Variants in AFG2A observed in about 807,000 individuals in gnomAD.
AFG2A encodes AAA ATPase AFG2A.
chr4:123,235,977 GA>G, the AFG2A span, among the ~76,000 whole-genome samples: 1 of 152,110 alleles, frequency 6.6e-6, no homozygotes, highest in Non-Finnish European at 1.5e-5. Context: ...ACCAGTATTT[GA>G]AAATAACTCA....
chr4:122,935,570 T>G, the AFG2A span: 2 of 885,296 alleles, frequency 2.3e-6, no homozygotes, highest in Admixed American at 6.3e-5. Context: ...TTAGTACATC[T>G]TTCTGGAGGG....
the AFG2A span, among the ~76,000 whole-genome samples, chr4:123,094,084 A>G: frequency 6.6e-6 from 1 of 152,132 alleles, no homozygotes; most frequent in African/African-American, 2.4e-5. Context: ...TGATTCTCTA[A>G]TGTTTGACAG....
At chr4:122,946,500 T>A in the AFG2A span, among the ~76,000 whole-genome samples, 5 of 152,232 alleles carry the variant, frequency 3.3e-5, no homozygotes, top group African/African-American at 1.2e-4. Context: ...TATAATTGAT[T>A]AGGTTTGAGC....
At chr4:123,225,775 G>A in the AFG2A span, among the ~76,000 whole-genome samples, 2 of 152,154 alleles carry the variant, frequency 1.3e-5, no homozygotes, top group East Asian at 3.8e-4. Context: ...GATGGGGATG[G>A]CATTGAATCT....
the AFG2A span, among the ~76,000 whole-genome samples, chr4:123,096,775 G>A: frequency 6.6e-6 from 1 of 152,038 alleles, no homozygotes; most frequent in Non-Finnish European, 1.5e-5. Flanking sequence ...GAGAAAAATT[G>A]TGAAAGATAT....
At chr4:123,223,669 G>A in the AFG2A span, among the ~76,000 whole-genome samples, 3 of 152,038 alleles carry the variant, frequency 2.0e-5, no homozygotes, top group African/African-American at 7.3e-5. Flanking sequence ...CTCCCCCATG[G>A]TCCAATCACC....
chr4:123,095,073 G>T, the AFG2A span, among the ~76,000 whole-genome samples: 121 of 54,778 alleles, frequency 2.2e-3, no homozygotes, highest in African/African-American at 4.9e-3. Flanking sequence ...ATATGTGTGT[G>T]TGTGTGTGTA....
the AFG2A span, chr4:123,028,205 G>A: frequency 1.9e-6 from 3 of 1,613,854 alleles, no homozygotes; most frequent in Non-Finnish European, 2.5e-6. Context: ...TCAGATATAG[G>A]AGGACTGGAA....
chr4:123,115,128 C>T, the AFG2A span, among the ~76,000 whole-genome samples: 1 of 152,076 alleles, frequency 6.6e-6, no homozygotes. Context: ...TCCAGGCCAT[C>T]GCTGGGCTGG....
At chr4:123,163,946 G>A in the AFG2A span, among the ~76,000 whole-genome samples, 3 of 152,164 alleles carry the variant, frequency 2.0e-5, no homozygotes, top group African/African-American at 7.2e-5. Flanking sequence ...TCAGAGGTAA[G>A]GTTTAAAGTC....
At chr4:123,308,820 GCAAA>G in the AFG2A span, among the ~76,000 whole-genome samples, 1 of 152,154 alleles carries the variant, frequency 6.6e-6, no homozygotes, top group Non-Finnish European at 1.5e-5. Context: ...ATTCAGTTCA[GCAAA>G]CATACCTTGA....
chr4:122,955,858 T>C, the AFG2A span, among the ~76,000 whole-genome samples: 14 of 152,206 alleles, frequency 9.2e-5, no homozygotes, highest in Admixed American at 9.2e-4. Context: ...GTCTAGTTTC[T>C]GTGAAGCTGC....
chr4:123,126,382 C>T, the AFG2A span, among the ~76,000 whole-genome samples: 1 of 152,100 alleles, frequency 6.6e-6, no homozygotes, highest in African/African-American at 2.4e-5. Flanking sequence ...GTCTTCTGTA[C>T]CACCTAGCTT....
At chr4:122,963,003 A>C in the AFG2A span, among the ~76,000 whole-genome samples, 6 of 152,174 alleles carry the variant, frequency 3.9e-5, no homozygotes, top group Non-Finnish European at 8.8e-5. Flanking sequence ...TCTAGGTTAG[A>C]GATATGGACT....
the AFG2A span, among the ~76,000 whole-genome samples, chr4:123,126,884 G>A: frequency 2.6e-3 from 401 of 152,198 alleles, 1 homozygote; most frequent in African/African-American, 9.2e-3. Flanking sequence ...TTTGATAGCC[G>A]TCAGATAATA....
chr4:122,931,810 G>A, the AFG2A span, among the ~76,000 whole-genome samples: 1 of 152,172 alleles, frequency 6.6e-6, no homozygotes, highest in Non-Finnish European at 1.5e-5. Context: ...TAACATGGGT[G>A]TTGGGTCACC....
chr4:122,929,097 A>G, the AFG2A span: 3 of 1,613,914 alleles, frequency 1.9e-6, no homozygotes, highest in Admixed American at 1.7e-5. Flanking sequence ...CCTGAGTGAA[A>G]TGGCACAGAA....
the AFG2A span, among the ~76,000 whole-genome samples, chr4:123,138,460 A>T: frequency 6.6e-6 from 1 of 152,206 alleles, no homozygotes; most frequent in East Asian, 1.9e-4. Context: ...CATTTTTAAG[A>T]CATATTTCAT....
At chr4:123,006,894 T>C in the AFG2A span, among the ~76,000 whole-genome samples, 1 of 29,110 alleles carries the variant, frequency 3.4e-5, no homozygotes, top group Non-Finnish European at 1.2e-4. Flanking sequence ...TTTGCATGCT[T>C]GTTATTTTTT....
Sources: gnomAD v4.1 joint callset for allele counts (sites outside exome capture counted in the v4.1 genomes callset) on GRCh38, gnomAD v4.1.1 for gene constraint, MANE v1.5 for transcripts, NCBI Gene and HGNC (gene_info 2026-07-23, HGNC 2026-07-21) for gene names.